Variants in DMD observed in about 807,000 individuals in gnomAD.
The protein encoded by DMD is mutant dystrophin.
Under a neutral mutation model 330.1 loss-of-function variants are expected in DMD, and 63 were observed. The ratio of observed to expected loss-of-function variants is 0.19; its 90% CI spans 0.16 to 0.24. The LOEUF (loss-of-function observed/expected upper bound fraction) is 0.24. Among genes scored for constraint, DMD ranks in the 10% least tolerant of loss-of-function variants. DMD has a pLI of 1.00. For synonymous variants in DMD, 1,223 were observed against 959.8 expected, an observed-to-expected ratio of 1.27 and a Z score of -5.07; for missense variants, 3,344 against 2,684.1, an observed-to-expected ratio of 1.25 and a Z score of -5.43.
At chrX:32,533,964 C>T (rs920540162) in intron 17 of DMD, among the ~76,000 whole-genome samples, 9 of 111,856 alleles carry the variant, frequency 8.0e-5, no homozygotes, top group African/African-American at 2.6e-4. Flanking sequence ...TTCAATCTGA[C>T]GTGTACTTAA....
chrX:32,917,720 T>C (rs1490452142), intron 2 of DMD, among the ~76,000 whole-genome samples: 1 of 111,770 alleles, frequency 8.9e-6, no homozygotes, highest in Non-Finnish European at 1.9e-5. Flanking sequence ...ATCTGATGGG[T>C]CTCCTAGTTT....
At chrX:33,088,025 CT>C (rs778091374) in intron 1 of DMD, among the ~76,000 whole-genome samples, 2 of 111,221 alleles carry the variant, frequency 1.8e-5, no homozygotes, top group African/African-American at 6.5e-5. Context: ...AAAGTTACCC[CT>C]ATTTCAGTAT....
intron 52 of DMD, among the ~76,000 whole-genome samples, chrX:31,689,713 C>T (rs1426531520): frequency 9.0e-6 from 1 of 111,601 alleles, no homozygotes; most frequent in African/African-American, 3.3e-5. Context: ...TACCTGACTT[C>T]AAACTATACT....
At chrX:33,220,293 A>G (rs150524155) in intron 1 of DMD, among the ~76,000 whole-genome samples, 1 of 111,032 alleles carries the variant, frequency 9.0e-6, no homozygotes, top group East Asian at 2.9e-4. Context: ...ATACAACTGA[A>G]GAATTTTTAG....
At chrX:31,835,758 A>T (rs1423254706) in intron 49 of DMD, among the ~76,000 whole-genome samples, 6 of 111,766 alleles carry the variant, frequency 5.4e-5, no homozygotes, top group Non-Finnish European at 1.1e-4. Flanking sequence ...TAGAGACAGA[A>T]TCTAAGTCAT....
At chrX:33,067,566 A>G (rs192759966) in intron 1 of DMD, among the ~76,000 whole-genome samples, 1 of 112,170 alleles carries the variant, frequency 8.9e-6, no homozygotes, top group Non-Finnish European at 1.9e-5. Context: ...CGAGGCCAGG[A>G]GCGGTGGCTC....
chrX:32,161,862 G>A (rs763145607), intron 44 of DMD, among the ~76,000 whole-genome samples: 14 of 111,971 alleles, frequency 1.3e-4, no homozygotes, highest in Non-Finnish European at 2.4e-4. Context: ...GACTTTAAGG[G>A]CTGAAGATAT....
chrX:31,715,314 A>G (rs1009114850), intron 52 of DMD, among the ~76,000 whole-genome samples: 7 of 107,126 alleles, frequency 6.5e-5, no homozygotes, highest in African/African-American at 1.7e-4. Flanking sequence ...GGAGGCCGAG[A>G]CGGGCGGATC....
At chrX:33,016,337 G>A (rs1334391027) in intron 2 of DMD, among the ~76,000 whole-genome samples, 1 of 111,767 alleles carries the variant, frequency 8.9e-6, no homozygotes, top group African/African-American at 3.2e-5. Flanking sequence ...TATGTCTTTA[G>A]ATGGATACAC....
intron 57 of DMD, among the ~76,000 whole-genome samples, chrX:31,490,474 T>C (rs2069186931): frequency 9.0e-6 from 1 of 111,201 alleles, no homozygotes; most frequent in Non-Finnish European, 1.9e-5. Context: ...GAGAATGGCG[T>C]GAACCCAGGA....
intron 7 of DMD, among the ~76,000 whole-genome samples, chrX:32,743,476 G>T (rs1351152614): frequency 9.0e-6 from 1 of 110,989 alleles, no homozygotes; most frequent in Non-Finnish European, 1.9e-5. Context: ...ATCATTATTA[G>T]TAACATCGAT....
intron 74 of DMD, among the ~76,000 whole-genome samples, chrX:31,155,841 T>G (rs776312720): frequency 4.6e-5 from 5 of 109,843 alleles, no homozygotes; most frequent in Non-Finnish European, 9.5e-5. Context: ...TGAAAAAAAT[T>G]AGCCATATGT....
intron 60 of DMD, among the ~76,000 whole-genome samples, chrX:31,424,458 T>A (rs777903217): frequency 9.0e-6 from 1 of 111,722 alleles, no homozygotes; most frequent in Non-Finnish European, 1.9e-5. Context: ...CTCAGCTACA[T>A]AGACTAGTCT....
At chrX:33,044,197 C>T (rs1244374585) in intron 1 of DMD, among the ~76,000 whole-genome samples, 5 of 111,614 alleles carry the variant, frequency 4.5e-5, no homozygotes, top group Non-Finnish European at 3.8e-5. Flanking sequence ...TTTGGGAAGC[C>T]GAGGCAGGTG....
At chrX:33,187,329 GC>G (rs1216474570) in intron 1 of DMD, among the ~76,000 whole-genome samples, 1 of 112,194 alleles carries the variant, frequency 8.9e-6, no homozygotes, top group Non-Finnish European at 1.9e-5. Flanking sequence ...TTTATTTTTT[GC>G]CTTCTGTGAA....
intron 1 of DMD, among the ~76,000 whole-genome samples, chrX:33,164,026 G>T (rs1187489814): frequency 1.8e-5 from 2 of 111,043 alleles, no homozygotes; most frequent in Admixed American, 1.9e-4. Context: ...TATTTTTTCT[G>T]CTTATTTATA....
chrX:31,214,940 T>TC (rs1569474524), intron 64 of DMD, among the ~76,000 whole-genome samples: 3 of 60,910 alleles, frequency 4.9e-5, no homozygotes, highest in Admixed American at 1.8e-4. Context: ...CTTTTTTCTT[T>TC]TTTTTTTTTT....
intron 21 of DMD, among the ~76,000 whole-genome samples, chrX:32,477,486 G>T (rs1346546539): frequency 1.8e-5 from 2 of 110,416 alleles, no homozygotes; most frequent in Non-Finnish European, 3.8e-5. Flanking sequence ...AAAGGGAAAA[G>T]AAGAGAGAAA....
chrX:32,210,536 A>G (rs1399806310), intron 44 of DMD, among the ~76,000 whole-genome samples: 1 of 111,984 alleles, frequency 8.9e-6, no homozygotes, highest in East Asian at 2.8e-4. Flanking sequence ...GTAAAAACTG[A>G]CTATACAGAA....
Sources: gnomAD v4.1 joint callset for allele counts (sites outside exome capture counted in the v4.1 genomes callset) on GRCh38, gnomAD v4.1.1 for gene constraint, MANE v1.5 for transcripts, NCBI Gene and HGNC (gene_info 2026-07-23, HGNC 2026-07-21) for gene names.